Variants in CNTNAP2 observed in about 807,000 individuals in gnomAD.
CNTNAP2 encodes contactin-associated protein-like 2.
CNTNAP2 carries 98 observed loss-of-function variants against 155.2 expected under a neutral mutation model. The observed-to-expected ratio is 0.63, with a 90% CI of 0.54 to 0.75. The LOEUF (loss-of-function observed/expected upper bound fraction) is 0.75, where lower values mean the gene tolerates loss of function less well. Among genes scored for constraint, CNTNAP2 ranks in the 30% least tolerant of loss-of-function variants. The probability of loss-of-function intolerance (pLI) is 0.00; values close to 1 mark genes in which losing one functional copy is unlikely to be tolerated. For missense variants in CNTNAP2, 1,727 were observed against 1,688.1 expected, an observed-to-expected ratio of 1.02 and a Z score of -0.40; for synonymous variants, 651 against 631.2, an observed-to-expected ratio of 1.03 and a Z score of -0.47.
At chr7:147,963,241 C>T (rs1801142993) in intron 14 of CNTNAP2, among the ~76,000 whole-genome samples, 1 of 151,916 alleles carries the variant, frequency 6.6e-6, no homozygotes, top group Admixed American at 6.6e-5. Context: ...TAAGAATGTG[C>T]TATAGAGACA....
At position 146,444,903 on chromosome 7, in the gene CNTNAP2, C is replaced by T. The variant is rs191955443; in HGVS notation, c.97+327930C>T. Among the ~76,000 whole-genome samples the T allele has an allele frequency of 5.5e-3, 830 of 152,000 alleles. 9 individuals are homozygous for T. The highest frequency in any genetic ancestry group is 0.019 in the African/African-American group (772 of 41,470). On this transcript the variant is annotated intron_variant, in intron 1 of 23. Transcript: ENST00000361727. Reference sequence around the variant, plus strand: ...AACTCCTGGCCTCAAGTAATCCACCCGCCTCGGCCTCCCAAAATGCTGGGA... The same window carrying T: ...AACTCCTGGCCTCAAGTAATCCACCTGCCTCGGCCTCCCAAAATGCTGGGA...
At position 146,550,401 on chromosome 7, in the gene CNTNAP2, G is replaced by GTTTTTTTTTTTTTT. The variant is rs10673467; in HGVS notation, c.98-223855_98-223842dup. 1.4e-3 allele frequency among the ~76,000 whole-genome samples: 75 copies of GTTTTTTTTTTTTTT among 54,382 alleles called. 23 individuals carry two copies. The highest frequency in any genetic ancestry group is 4.7e-3 in the African/African-American group (66 of 14,080). The allele number at this position is 54,382 out of a possible 152,430, so 35.7% of individuals were successfully genotyped here. The stretch of plus-strand genomic sequence containing the variant: ...TTATAGCAGTGAGGTCCATTAATCT[G>GTTTTTTTTTTTTTT]TTTTTTTTTTTTTTTTTTTTTTTTT... On this transcript the variant is annotated intron_variant, in intron 1 of 23. Transcript: ENST00000361727.
chr7:147,756,914 C>G (rs1797220232), intron 13 of CNTNAP2, among the ~76,000 whole-genome samples: 1 of 152,120 alleles, frequency 6.6e-6, no homozygotes, highest in Non-Finnish European at 1.5e-5. Context: ...CATTAAAGTT[C>G]CAGAATACTT....
intron 17 of CNTNAP2, among the ~76,000 whole-genome samples, chr7:148,156,862 T>C (rs1055009248): frequency 6.6e-6 from 1 of 152,150 alleles, no homozygotes; most frequent in Non-Finnish European, 1.5e-5. Context: ...TTCTTCTCTT[T>C]CCCTCATCAC....
intron 1 of CNTNAP2, among the ~76,000 whole-genome samples, chr7:146,371,996 T>A (rs1795244301): frequency 6.6e-6 from 1 of 151,754 alleles, no homozygotes; most frequent in Non-Finnish European, 1.5e-5. Context: ...TATAAATTTT[T>A]AAAAATATGT....
chr7:146,373,920 C>T (rs866195247), intron 1 of CNTNAP2, among the ~76,000 whole-genome samples: 1 of 152,098 alleles, frequency 6.6e-6, no homozygotes, highest in African/African-American at 2.4e-5. Context: ...TAATCACATT[C>T]CTAAACAGGT....
At chr7:147,832,811 A>T (rs1798574069) in intron 13 of CNTNAP2, among the ~76,000 whole-genome samples, 1 of 139,364 alleles carries the variant, frequency 7.2e-6, no homozygotes, top group Non-Finnish European at 1.5e-5. Context: ...ATTTAATTAT[A>T]TATAGTTATA....
chr7:147,562,632 G>T (rs773845519), intron 12 of CNTNAP2, among the ~76,000 whole-genome samples: 2 of 152,218 alleles, frequency 1.3e-5, no homozygotes, highest in African/African-American at 2.4e-5. Context: ...GAAGCTTTTA[G>T]ATCGTGACAG....
At chr7:146,359,694 T>C (rs1323750118) in intron 1 of CNTNAP2, among the ~76,000 whole-genome samples, 1 of 152,218 alleles carries the variant, frequency 6.6e-6, no homozygotes, top group Non-Finnish European at 1.5e-5. Flanking sequence ...TTAATATTAA[T>C]CTTATTATAA....
At chr7:146,161,222 T>A (rs547543365) in intron 1 of CNTNAP2, among the ~76,000 whole-genome samples, 1 of 152,292 alleles carries the variant, frequency 6.6e-6, no homozygotes, top group East Asian at 1.9e-4. Context: ...GAGCTATGTA[T>A]GACAAAGCCA....
At chr7:147,789,266 C>T (rs1051282462) in intron 13 of CNTNAP2, among the ~76,000 whole-genome samples, 25 of 152,262 alleles carry the variant, frequency 1.6e-4, no homozygotes, top group African/African-American at 5.1e-4. Flanking sequence ...TTAAGACCTA[C>T]CCTATATCTA....
chr7:148,273,238 T>C (rs2116849273), intron 21 of CNTNAP2, among the ~76,000 whole-genome samples: 1 of 152,322 alleles, frequency 6.6e-6, no homozygotes, highest in African/African-American at 2.4e-5. Flanking sequence ...CTTTAAGATT[T>C]GTGGTGGGAG....
At chr7:146,209,711 A>C (rs537948516) in intron 1 of CNTNAP2, among the ~76,000 whole-genome samples, 1 of 152,336 alleles carries the variant, frequency 6.6e-6, no homozygotes, top group East Asian at 1.9e-4. Flanking sequence ...TTTGAAATAA[A>C]GGGAAATTTA....
chr7:147,631,594 T>C (rs1031688050), intron 12 of CNTNAP2, among the ~76,000 whole-genome samples: 1 of 152,152 alleles, frequency 6.6e-6, no homozygotes, highest in Non-Finnish European at 1.5e-5. Flanking sequence ...TACAAGGCTA[T>C]AGAGACCAAA....
At chr7:147,117,608 C>G (rs113833233) in intron 5 of CNTNAP2, among the ~76,000 whole-genome samples, 5,307 of 152,204 alleles carry the variant, frequency 0.035, 282 homozygotes, top group African/African-American at 0.12. Flanking sequence ...CCCTGTCTCA[C>G]CTGTTTCTCT....
chr7:146,602,207 G>A lies in CNTNAP2; in HGVS notation c.98-172064G>A, dbSNP rs1157665437. ...CACGGAGACCCTTAAGATTATATGC[G>A]GCTATAGAGGGAAATGTGGCTATGA... On this transcript the variant is annotated intron_variant, in intron 1 of 23. Coordinates refer to ENST00000361727, the MANE Select transcript of CNTNAP2 (RefSeq NM_014141.6). Among the ~76,000 whole-genome samples the A allele has an allele frequency of 2.6e-5, 4 of 152,058 alleles. No homozygotes were observed. In the East Asian group the frequency reaches 7.7e-4, roughly 29 times the overall value.
intron 4 of CNTNAP2, among the ~76,000 whole-genome samples, chr7:147,094,751 T>C (rs567482576): frequency 1.2e-4 from 19 of 152,266 alleles, no homozygotes; most frequent in Admixed American, 6.5e-4. Context: ...GCTCCAAAAA[T>C]GTTCCTACGT....
chr7:148,296,985 C>T (rs151008657), intron 21 of CNTNAP2, among the ~76,000 whole-genome samples: 70 of 152,224 alleles, frequency 4.6e-4, no homozygotes, highest in Non-Finnish European at 6.8e-4. Flanking sequence ...CCCTAGAGAC[C>T]TTTTGTTTTA....
intron 2 of CNTNAP2, among the ~76,000 whole-genome samples, chr7:146,830,916 G>A (rs546586734): frequency 6.4e-4 from 97 of 152,238 alleles, no homozygotes; most frequent in African/African-American, 2.1e-3. Flanking sequence ...ATTAATCAAC[G>A]TATTTGGGGC....
Sources: allele counts gnomAD v4.1 joint callset (sites outside exome capture counted in the v4.1 genomes callset), GRCh38; gene constraint gnomAD v4.1.1; transcripts MANE v1.5; gene names NCBI Gene and HGNC (gene_info 2026-07-23, HGNC 2026-07-21).